CABLES1: variants seen among roughly 807,000 people sequenced by gnomAD.
The protein encoded by CABLES1 is CDK5 and ABL1 enzyme substrate 1.
In CABLES1, 36 loss-of-function variants were observed where a neutral mutation model predicts 57.8. The observed-to-expected ratio is 0.62, with a 90% CI of 0.48 to 0.82. CABLES1 has a LOEUF of 0.82. Ranked by LOEUF, CABLES1 falls within the 40% of genes least tolerant of loss-of-function variation. CABLES1 has a pLI of 0.00. For synonymous variants in CABLES1, 374 were observed against 363.0 expected (o/e 1.03, Z -0.35); for missense variants, 767 against 836.6 (o/e 0.92, Z 1.03).
intron 1 of CABLES1, among the ~76,000 whole-genome samples, chr18:23,148,066 T>C (rs778188128): frequency 2.1e-5 from 3 of 142,822 alleles, no homozygotes; most frequent in Non-Finnish European, 4.5e-5. Flanking sequence ...CTCGGCTTAC[T>C]GCAGGCTCCG....
At chr18:23,148,905 T>C (rs777866903) in intron 1 of CABLES1, among the ~76,000 whole-genome samples, 3 of 152,158 alleles carry the variant, frequency 2.0e-5, no homozygotes, top group Non-Finnish European at 4.4e-5. Context: ...TGCTCTTTTT[T>C]TGAGATGGAG....
chr18:23,151,878 G>C (rs911677005), intron 1 of CABLES1, among the ~76,000 whole-genome samples: 5 of 152,168 alleles, frequency 3.3e-5, no homozygotes, highest in African/African-American at 1.2e-4. Flanking sequence ...CTGATGCTGT[G>C]GGCCAGGCAG....
chr18:23,194,562 G>A lies in CABLES1; in HGVS notation c.1010+22G>A, dbSNP rs577334373. On this transcript the variant is annotated intron_variant, in intron 3 of 9. Coordinates refer to ENST00000256925, the MANE Select transcript of CABLES1 (RefSeq NM_001100619.3). ...GCAGGTACTACATTCACACAGAAGC[G>A]GCTGCCAGCACCAGTGGGTGGAGAC... is the stretch of plus-strand genomic sequence containing the variant. The A allele has an allele frequency of 1.7e-5, 26 of 1,526,138 alleles. No homozygotes were observed. In the East Asian group the frequency reaches 2.0e-4, roughly 12 times the overall value. The allele number at this position is 1,526,138 out of a possible 1,614,324, so 94.5% of individuals were successfully genotyped here. A position where few individuals can be genotyped will look rare whatever the true frequency, so the allele number is the denominator to read the frequency against.
At position 23,135,815 on chromosome 18, in the gene CABLES1, C is replaced by G; in HGVS notation, c.53C>G (p.Ala18Gly). ...ACGGCCGCCTGCAGCAGCGGCAGCG[C>G]CGGCACCGACGCCGCGGGCGCCAGC... ...ATTAACSSGS[A>G]GTDAAGASGL... The change falls in exon 1 of 10, where the codon GCC (alanine) becomes GGC (glycine). Residue 18 changes from alanine to glycine, a missense_variant. Physicochemically the swap from Ala to Gly is moderately conservative, Grantham distance 60 (BLOSUM62 0). Coordinates refer to ENST00000256925, the MANE Select transcript of CABLES1 (RefSeq NM_001100619.3). The G allele has an allele frequency of 1.0e-6, 1 of 966,550 alleles. No individual in the cohort carries two copies. Among genetic ancestry groups the G allele is most frequent in the Non-Finnish European group, 1.2e-6 (1 of 812,662 alleles). The allele number at this position is 966,550 out of a possible 1,614,324, so 59.9% of individuals were successfully genotyped here.
In CABLES1 at chr18:23,229,067, T is replaced by C. The variant is rs146134533; in HGVS notation, c.1089-5541T>C. 5.8e-3 allele frequency among the ~76,000 whole-genome samples: 883 copies of C among 152,328 alleles called. 5 individuals are homozygous for C. Among genetic ancestry groups the C allele is most frequent in the African/African-American group, 0.018 (753 of 41,572 alleles). ...TACACAACTTTAGACAATATTCATG[T>C]GTAGTATTTGAACTTGCCTCTATGC... On this transcript the variant is annotated intron_variant, in intron 4 of 9. Transcript: ENST00000256925.
chr18:23,251,040 C>T, intron 7 of CABLES1, among the ~76,000 whole-genome samples: 1 of 152,246 alleles, frequency 6.6e-6, no homozygotes, highest in East Asian at 1.9e-4. Flanking sequence ...AAGCCACCAA[C>T]TTCCATTAGA....
At chr18:23,157,097 T>A (rs1045833710) in intron 1 of CABLES1, among the ~76,000 whole-genome samples, 20 of 152,166 alleles carry the variant, frequency 1.3e-4, no homozygotes, top group Middle Eastern at 3.4e-3. Flanking sequence ...CAAATAAATT[T>A]TAGCAAGTAG....
chr18:23,256,253 G>T (rs185439040), intron 9 of CABLES1, among the ~76,000 whole-genome samples: 10 of 152,352 alleles, frequency 6.6e-5, no homozygotes, highest in Admixed American at 3.3e-4. Flanking sequence ...CCACCTTGGT[G>T]GTTCTCCTTC....
intron 9 of CABLES1, among the ~76,000 whole-genome samples, chr18:23,255,525 G>A (rs150657664): frequency 3.2e-4 from 49 of 151,524 alleles, no homozygotes; most frequent in African/African-American, 1.1e-3. Context: ...CTGAGAATCA[G>A]TAGGCTTATA....
At chr18:23,161,270 CTCTT>C (rs1280254328) in intron 1 of CABLES1, among the ~76,000 whole-genome samples, 6 of 151,954 alleles carry the variant, frequency 3.9e-5, no homozygotes, top group South Asian at 2.1e-4. Context: ...AAAAACAACT[CTCTT>C]TATCATGTCT....
At chr18:23,235,349 G>C (rs961347183) in intron 5 of CABLES1, among the ~76,000 whole-genome samples, 1 of 151,580 alleles carries the variant, frequency 6.6e-6, no homozygotes, top group African/African-American at 2.4e-5. Context: ...TAGATAGAGC[G>C]CATGTGAGAT....
intron 1 of CABLES1, among the ~76,000 whole-genome samples, chr18:23,186,576 C>A (rs1224444633): frequency 6.6e-6 from 1 of 152,096 alleles, no homozygotes; most frequent in East Asian, 1.9e-4. Flanking sequence ...CAAGCATGCA[C>A]CACCACACCT....
chr18:23,199,467 A>G (rs1235656308), intron 3 of CABLES1, among the ~76,000 whole-genome samples: 4 of 152,242 alleles, frequency 2.6e-5, no homozygotes, highest in Non-Finnish European at 5.9e-5. Context: ...CAGCAGATGC[A>G]TGGATAGACC....
intron 4 of CABLES1, among the ~76,000 whole-genome samples, chr18:23,228,476 T>C (rs1316200288): frequency 6.6e-6 from 1 of 152,190 alleles, no homozygotes; most frequent in Non-Finnish European, 1.5e-5. Flanking sequence ...CAGGGGTTTC[T>C]AACAGTGAAA....
In CABLES1 at chr18:23,211,529, G is replaced by A. The variant is rs191438469; in HGVS notation, c.1011-2448G>A. ...TCTTGCCCCTCCCTGCACTGGGCATGGTGACCCACAGGCCAGGCTGGAAAG... is the reference window on the plus strand; with the variant it reads ...TCTTGCCCCTCCCTGCACTGGGCATAGTGACCCACAGGCCAGGCTGGAAAG... On this transcript the variant is annotated intron_variant, in intron 3 of 9. Coordinates refer to ENST00000256925, the MANE Select transcript of CABLES1 (RefSeq NM_001100619.3). 2.0e-5 allele frequency among the ~76,000 whole-genome samples: 3 copies of A among 152,350 alleles called. No individual in the cohort carries two copies. In the East Asian group the frequency reaches 5.8e-4, roughly 29 times the overall value.
Position 23,163,544 on chromosome 18 carries a change from TG to T in CABLES1, c.846-25288del, listed in dbSNP as rs531919627. ...GGCACAGGGTGCTGTCAGGGAAGCC[TG>T]GGGGGCTGAGAGAAAGGATGGAAGA... On this transcript the variant is annotated intron_variant, in intron 1 of 9. Coordinates refer to ENST00000256925, the MANE Select transcript of CABLES1 (RefSeq NM_001100619.3). 2.0e-4 allele frequency among the ~76,000 whole-genome samples: 31 copies of T among 151,610 alleles called. No individual in the cohort carries two copies. The South Asian group carries it at 4.4e-3, about 22-fold the overall frequency.
chr18:23,165,208 AAG>A (rs1372456460), intron 1 of CABLES1, among the ~76,000 whole-genome samples: 1 of 151,986 alleles, frequency 6.6e-6, no homozygotes, highest in Non-Finnish European at 1.5e-5. Context: ...CAATCCTCCC[AAG>A]TAGCTAGGAC....
chr18:23,215,049 C>G (rs774608623), intron 4 of CABLES1, among the ~76,000 whole-genome samples: 1 of 152,234 alleles, frequency 6.6e-6, no homozygotes, highest in Admixed American at 6.5e-5. Flanking sequence ...GGAATCCTGA[C>G]TCAGTCATTG....
upstream of CABLES1, chr18:23,134,800 T>G (rs1568037779): frequency 1.3e-5 from 2 of 152,162 alleles, no homozygotes; most frequent in East Asian, 3.9e-4. Context: ...TGGGGATGCG[T>G]GAGTTCGTTG....
Sources: allele counts gnomAD v4.1 joint callset (sites outside exome capture counted in the v4.1 genomes callset), GRCh38; gene constraint gnomAD v4.1.1; transcripts MANE v1.5; gene names NCBI Gene and HGNC (gene_info 2026-07-23, HGNC 2026-07-21).